Variants in SEMA6D observed in about 807,000 individuals in gnomAD.
SEMA6D encodes the protein semaphorin 6D, also known as semaphorin-6D.
Under a neutral mutation model 106.6 loss-of-function variants are expected in SEMA6D, and 35 were observed. The observed-to-expected ratio is 0.33, with a 90% confidence interval of 0.25 to 0.44. The LOEUF (loss-of-function observed/expected upper bound fraction) is 0.44. Ranked by LOEUF, SEMA6D falls within the 20% of genes least tolerant of loss-of-function variation. SEMA6D has a pLI of 1.00. For missense variants in SEMA6D, 1,185 were observed against 1,345.9 expected (o/e 0.88, Z 1.87); for synonymous variants, 499 against 487.7 (o/e 1.02, Z -0.31).
intron 1 of SEMA6D, among the ~76,000 whole-genome samples, chr15:47,275,947 A>G (rs2034788108): frequency 6.6e-6 from 1 of 152,132 alleles, no homozygotes; most frequent in Admixed American, 6.6e-5. Flanking sequence ...CACATGAATG[A>G]TATGAAAGCG....
rs543087628 is a variant in SEMA6D, at chr15:47,556,374, A to G, written c.-86-44491A>G. 7.2e-5 allele frequency among the ~76,000 whole-genome samples: 11 copies of G among 152,248 alleles called. No individual in the cohort carries two copies. In the South Asian group the frequency reaches 2.3e-3, roughly 32 times the overall value. On this transcript the variant is annotated intron_variant, in intron 3 of 19. Coordinates refer to the SEMA6D transcript ENST00000558014. Reference sequence around the variant, plus strand: ...CTCTGCTTTTTCCACTTAACATTATAACTGTGTTTGATGAATACATAAGGA... The same window carrying G: ...CTCTGCTTTTTCCACTTAACATTATGACTGTGTTTGATGAATACATAAGGA...
At chr15:47,340,937 A>G (rs2037788833) in intron 1 of SEMA6D, among the ~76,000 whole-genome samples, 1 of 152,190 alleles carries the variant, frequency 6.6e-6, no homozygotes, top group Admixed American at 6.5e-5. Flanking sequence ...TCATTCCAAA[A>G]CTATCTAGAA....
intron 3 of SEMA6D, among the ~76,000 whole-genome samples, chr15:47,516,701 G>T (rs1019469313): frequency 1.5e-4 from 23 of 152,010 alleles, no homozygotes; most frequent in African/African-American, 5.6e-4. Flanking sequence ...GCTGAGTGAG[G>T]TGCCTCACTT....
chr15:47,352,657 G>C (rs747471602), intron 1 of SEMA6D, among the ~76,000 whole-genome samples: 2 of 152,198 alleles, frequency 1.3e-5, no homozygotes, highest in Non-Finnish European at 2.9e-5. Flanking sequence ...GAGCTAGTTA[G>C]AATTCTTTTA....
chr15:47,638,309 AG>A (rs202232056), intron 4 of SEMA6D, among the ~76,000 whole-genome samples: 1,607 of 152,282 alleles, frequency 0.011, 17 homozygotes, highest in South Asian at 0.045. Context: ...GAGTAAGATG[AG>A]GCAGGATGTG....
At chr15:47,672,063 C>G (rs922627049) in intron 4 of SEMA6D, among the ~76,000 whole-genome samples, 1 of 152,176 alleles carries the variant, frequency 6.6e-6, no homozygotes, top group Non-Finnish European at 1.5e-5. Context: ...TAACATCCCT[C>G]TATGATATTA....
At chr15:47,279,999 G>C (rs1017742853) in intron 1 of SEMA6D, among the ~76,000 whole-genome samples, 9 of 150,880 alleles carry the variant, frequency 6.0e-5, no homozygotes, top group African/African-American at 2.2e-4. Context: ...TTTTTTGGTT[G>C]TGTCTCTGCC....
chr15:47,632,690 A>C (rs987613040), intron 4 of SEMA6D, among the ~76,000 whole-genome samples: 6 of 152,036 alleles, frequency 3.9e-5, no homozygotes, highest in Non-Finnish European at 7.4e-5. Context: ...TCTTATAAGC[A>C]GAATATAGTT....
At chr15:47,296,218 A>C (rs2035796380) in intron 1 of SEMA6D, among the ~76,000 whole-genome samples, 1 of 152,210 alleles carries the variant, frequency 6.6e-6, no homozygotes, top group African/African-American at 2.4e-5. Flanking sequence ...AGGAGGTCAC[A>C]ACAGCTACAG....
At chr15:47,545,019 TG>T (rs748061011) in intron 3 of SEMA6D, among the ~76,000 whole-genome samples, 44 of 152,030 alleles carry the variant, frequency 2.9e-4, no homozygotes, top group Non-Finnish European at 5.1e-4. Flanking sequence ...ACTACTATAA[TG>T]GGAATTGCTA....
chr15:47,444,938 G>A (rs1048198717), intron 2 of SEMA6D, among the ~76,000 whole-genome samples: 5 of 152,236 alleles, frequency 3.3e-5, no homozygotes, highest in African/African-American at 1.2e-4. Context: ...CTTGAAGGAT[G>A]AATGTGGGGG....
chr15:47,256,887 A>G (rs73399010), intron 1 of SEMA6D, among the ~76,000 whole-genome samples: 43,218 of 151,842 alleles, frequency 0.28, 6,387 homozygotes, highest in Middle Eastern at 0.44. Flanking sequence ...AAAAAATGCT[A>G]AAATATTGTG....
chr15:47,591,046 A>G (rs1170020261), intron 3 of SEMA6D, among the ~76,000 whole-genome samples: 2 of 152,202 alleles, frequency 1.3e-5, no homozygotes, highest in Non-Finnish European at 2.9e-5. Flanking sequence ...TCCATAAGCA[A>G]TAGAAATTTA....
chr15:47,545,663 A>T (rs2142296797), intron 3 of SEMA6D, among the ~76,000 whole-genome samples: 1 of 152,268 alleles, frequency 6.6e-6, no homozygotes, highest in East Asian at 1.9e-4. Context: ...TTTTTAATAT[A>T]GACTCAAATT....
chr15:47,768,457 T>C, intron 17 of SEMA6D, 124 bp from the exon 18 acceptor site: 1 of 826,356 alleles, frequency 1.2e-6, no homozygotes, highest in East Asian at 2.7e-5. Context: ...CAGGCGTGTT[T>C]TTACAAAATC....
chr15:47,262,297 ACTAT>A (rs966212724), intron 1 of SEMA6D, among the ~76,000 whole-genome samples: 8 of 152,174 alleles, frequency 5.3e-5, no homozygotes, highest in Non-Finnish European at 7.4e-5. Context: ...TGCCTATTAA[ACTAT>A]CTATTAGTCT....
chr15:47,647,330 G>A (rs1434178068), intron 4 of SEMA6D, among the ~76,000 whole-genome samples: 5 of 152,266 alleles, frequency 3.3e-5, no homozygotes, highest in African/African-American at 7.2e-5. Context: ...TAGTTTAGCC[G>A]GGGTCTGTCA....
chr15:47,528,157 A>T (rs1566859950), intron 3 of SEMA6D, among the ~76,000 whole-genome samples: 1 of 152,216 alleles, frequency 6.6e-6, no homozygotes, highest in African/African-American at 2.4e-5. Context: ...TGGACACTGC[A>T]TTCATTTTTA....
intron 3 of SEMA6D, among the ~76,000 whole-genome samples, chr15:47,545,683 T>G (rs2045497845): frequency 6.6e-6 from 1 of 152,138 alleles, no homozygotes; most frequent in African/African-American, 2.4e-5. Flanking sequence ...TAAACTCAAA[T>G]ATATGCGTTT....
Sources: gnomAD v4.1 joint callset for allele counts (sites outside exome capture counted in the v4.1 genomes callset) on GRCh38, gnomAD v4.1.1 for gene constraint, MANE v1.5 for transcripts, NCBI Gene and HGNC (gene_info 2026-07-23, HGNC 2026-07-21) for gene names.